The following CSMD3 variants were observed in gnomAD, a reference collection of about 807,000 sequenced individuals.
CSMD3 encodes the protein CUB and Sushi multiple domains 3.
Under a neutral mutation model 435.2 loss-of-function variants are expected in CSMD3, and 177 were observed. The ratio of observed to expected loss-of-function variants is 0.41; its 90% confidence interval spans 0.36 to 0.46. The LOEUF is 0.46. Ranked by LOEUF, CSMD3 falls within the 20% of genes least tolerant of loss-of-function variation. CSMD3 has a pLI of 0.34. For synonymous variants in CSMD3, 1,656 were observed against 1,520.5 expected (o/e 1.09, Z -2.07); for missense variants, 4,265 against 4,504.6 (o/e 0.95, Z 1.52).
At chr8:112,265,615 A>G in intron 59 of CSMD3, 25 bp from the exon 60 acceptor site, 1 of 1,566,074 alleles carries the variant, frequency 6.4e-7, no homozygotes, top group Non-Finnish European at 8.8e-7. Context: ...TTAGAAGAGC[A>G]GATGGTTAAT....
chr8:112,694,660 G>T (rs1032723784), intron 13 of CSMD3, among the ~76,000 whole-genome samples: 7 of 151,962 alleles, frequency 4.6e-5, no homozygotes, highest in Middle Eastern at 3.4e-3. Flanking sequence ...CTGCTTTTGG[G>T]TTTTTTTCCT....
intron 22 of CSMD3, among the ~76,000 whole-genome samples, chr8:112,630,781 T>C (rs1193721198): frequency 6.6e-6 from 1 of 152,218 alleles, no homozygotes; most frequent in Middle Eastern, 3.4e-3. Context: ...AAAGGCTGAT[T>C]TGGCTGAGGA....
At chr8:113,114,603 T>C (rs2090768044) in intron 4 of CSMD3, among the ~76,000 whole-genome samples, 1 of 152,172 alleles carries the variant, frequency 6.6e-6, no homozygotes, top group Admixed American at 6.5e-5. Context: ...CATGGGTTAG[T>C]ACAGTAATTT....
intron 12 of CSMD3, among the ~76,000 whole-genome samples, chr8:112,820,862 T>G (rs184449823): frequency 1.3e-5 from 2 of 152,264 alleles, no homozygotes; most frequent in Admixed American, 6.5e-5. Context: ...CTCCTGCCTG[T>G]GTACATGTTC....
intron 13 of CSMD3, among the ~76,000 whole-genome samples, chr8:112,701,862 G>C (rs1212567497): frequency 6.6e-6 from 1 of 152,026 alleles, no homozygotes; most frequent in East Asian, 1.9e-4. Context: ...TGAAAAGAAG[G>C]CATTCTCTGA....
intron 13 of CSMD3, among the ~76,000 whole-genome samples, chr8:112,737,747 C>T (rs1325849886): frequency 6.6e-6 from 1 of 151,820 alleles, no homozygotes; most frequent in Non-Finnish European, 1.5e-5. Flanking sequence ...TAACAGCTGA[C>T]CCTGATTTCT....
At chr8:112,260,636 C>T (rs1377166730) in intron 61 of CSMD3, among the ~76,000 whole-genome samples, 1 of 151,944 alleles carries the variant, frequency 6.6e-6, no homozygotes, top group Non-Finnish European at 1.5e-5. Flanking sequence ...CTTTGTAAAA[C>T]CTACTTGACC....
intron 30 of CSMD3, among the ~76,000 whole-genome samples, chr8:112,495,319 C>T (rs556596866): frequency 3.3e-5 from 5 of 152,258 alleles, no homozygotes; most frequent in East Asian, 1.9e-4. Flanking sequence ...GTTGACAAGT[C>T]TATTCTCCTA....
intron 4 of CSMD3, among the ~76,000 whole-genome samples, chr8:113,140,766 G>C (rs1352638785): frequency 6.6e-6 from 1 of 150,816 alleles, no homozygotes; most frequent in Non-Finnish European, 1.5e-5. Flanking sequence ...AAGCACTAGA[G>C]AGAAAAACTT....
rs149728250 is a variant in CSMD3, at chr8:112,223,428, G to A, written c.*1343C>T. The A allele has an allele frequency of 2.1e-5, 4 of 187,824 alleles. No homozygotes were observed. Among genetic ancestry groups the A allele is most frequent in the East Asian group, 1.1e-4 (1 of 9,420 alleles). The allele number at this position is 187,824 out of a possible 1,614,324, so 11.6% of individuals were successfully genotyped here. A position where few individuals can be genotyped will look rare whatever the true frequency, so the allele number is the denominator to read the frequency against. On this transcript the variant is annotated 3_prime_UTR_variant, in exon 71 of 71. Transcript: ENST00000297405. ...AAGAGTTAACACTGGGTACATGATCGTATTCAATGAAGTAAAACAGCTATA... is the reference window on the plus strand; with the variant it reads ...AAGAGTTAACACTGGGTACATGATCATATTCAATGAAGTAAAACAGCTATA...
intron 45 of CSMD3, among the ~76,000 whole-genome samples, chr8:112,327,960 G>T (rs746478392): frequency 7.9e-5 from 12 of 152,034 alleles, no homozygotes; most frequent in Non-Finnish European, 1.3e-4. Context: ...TATTCAATGC[G>T]CTATTAAAGC....
rs73344400 is a variant in CSMD3 at position 113,185,443 on chromosome 8, A to T, written c.515-11527T>A. On this transcript the variant is annotated intron_variant, in intron 3 of 70. Coordinates refer to ENST00000297405, the MANE Select transcript of CSMD3 (RefSeq NM_198123.2). ...ATCCTTCCCCATCCCTCTTTCCCAG[A>T]TCAACCAGAAAAACTGAGGAAAATC... Among the ~76,000 whole-genome samples, 540 of 152,124 alleles carry T rather than the reference A, an allele frequency of 3.5e-3. 3 individuals are homozygous for T. Among genetic ancestry groups the T allele is most frequent in the African/African-American group, 0.012 (503 of 41,538 alleles).
chr8:113,207,050 A>G (rs557620462), intron 3 of CSMD3, among the ~76,000 whole-genome samples: 2 of 152,272 alleles, frequency 1.3e-5, no homozygotes, highest in South Asian at 2.1e-4. Flanking sequence ...CTTACTAGGC[A>G]TGGGATGGGA....
At chr8:113,315,560 A>T (rs2093902810) in intron 1 of CSMD3, among the ~76,000 whole-genome samples, 1 of 150,258 alleles carries the variant, frequency 6.7e-6, no homozygotes, top group South Asian at 2.1e-4. Flanking sequence ...TTTCTTCAGC[A>T]ATTTGTCTCT....
intron 5 of CSMD3, among the ~76,000 whole-genome samples, chr8:113,030,244 C>A (rs971358028): frequency 6.7e-6 from 1 of 150,038 alleles, no homozygotes; most frequent in South Asian, 2.1e-4. Flanking sequence ...CATCAAATTC[C>A]AACATCATTC....
chr8:112,904,256 G>C (rs1330614421), intron 10 of CSMD3, among the ~76,000 whole-genome samples: 1 of 151,162 alleles, frequency 6.6e-6, no homozygotes, highest in South Asian at 2.1e-4. Flanking sequence ...TTGTATTCTT[G>C]GAAAATACTA....
chr8:112,777,867 T>G (rs1264409565), intron 13 of CSMD3, among the ~76,000 whole-genome samples: 2 of 151,784 alleles, frequency 1.3e-5, no homozygotes, highest in African/African-American at 4.8e-5. Context: ...CCCTGATACT[T>G]TTTTTTAACC....
chr8:112,632,585 A>C (rs1025284127), intron 22 of CSMD3, among the ~76,000 whole-genome samples: 3 of 152,042 alleles, frequency 2.0e-5, no homozygotes, highest in African/African-American at 7.2e-5. Context: ...ATGTTCTTTC[A>C]TTAGCTCGTT....
intron 9 of CSMD3, among the ~76,000 whole-genome samples, chr8:112,922,577 A>G (rs2082779238): frequency 6.6e-6 from 1 of 151,484 alleles, no homozygotes; most frequent in Non-Finnish European, 1.5e-5. Context: ...CTCTATATCC[A>G]TGTTTAATTG....
Sources: allele counts gnomAD v4.1 joint callset (sites outside exome capture counted in the v4.1 genomes callset), GRCh38; gene constraint gnomAD v4.1.1; transcripts MANE v1.5; gene names NCBI Gene and HGNC (gene_info 2026-07-23, HGNC 2026-07-21).